The following OXR1 variants were observed in gnomAD, a reference collection of about 807,000 sequenced individuals.
OXR1 encodes the protein oxidation resistance 1, also known as oxidation resistance protein 1.
A neutral mutation model predicts 104.6 loss-of-function variants in OXR1; 41 were observed. That is an observed-to-expected ratio of 0.39 (90% confidence interval 0.31 to 0.51). The LOEUF (loss-of-function observed/expected upper bound fraction) is 0.51. OXR1 is among the 20% of genes least tolerant of loss of function. The pLI is 0.77. For missense variants in OXR1, 955 were observed against 1,031.9 expected, an observed-to-expected ratio of 0.93 and a Z score of 1.02; for synonymous variants, 348 against 348.4, an observed-to-expected ratio of 1.00 and a Z score of 0.01.
At chr8:106,344,944 C>T (rs184386728) in intron 1 of OXR1, among the ~76,000 whole-genome samples, 8 of 152,284 alleles carry the variant, frequency 5.3e-5, no homozygotes, top group Admixed American at 4.6e-4. Flanking sequence ...TGTCAAGTGT[C>T]GTCTTCTTAG....
chr8:106,276,768 A>G (rs921302316), intron 1 of OXR1, among the ~76,000 whole-genome samples: 2 of 151,806 alleles, frequency 1.3e-5, no homozygotes, highest in Non-Finnish European at 2.9e-5. Context: ...AAAAAAAAAA[A>G]AAAAGGTAAC....
chr8:106,292,517 T>A lies in OXR1; in HGVS notation c.-139+22150T>A, dbSNP rs550826194. Among the ~76,000 whole-genome samples the A allele has an allele frequency of 2.0e-5, 3 of 152,298 alleles. No homozygotes were observed. In the South Asian group the frequency reaches 6.2e-4, roughly 32 times the overall value. On this transcript the variant is annotated intron_variant, in intron 1 of 16. Transcript: ENST00000517566. The stretch of plus-strand genomic sequence containing the variant: ...ATGGAAACCATGAATAGAAAGATGT[T>A]CTGATTGATGGCAATTGGGTTTGGT...
intron 1 of OXR1, among the ~76,000 whole-genome samples, chr8:106,298,811 A>T (rs964109687): frequency 1.3e-5 from 2 of 152,196 alleles, no homozygotes; most frequent in Non-Finnish European, 2.9e-5. Flanking sequence ...AATTGTGTTT[A>T]TTGGCAGAAG....
intron 3 of OXR1, among the ~76,000 whole-genome samples, chr8:106,564,080 A>G (rs1816891366): frequency 6.6e-6 from 1 of 152,188 alleles, no homozygotes; most frequent in African/African-American, 2.4e-5. Flanking sequence ...TTAAAAAACT[A>G]GAGAAGCAAG....
intron 1 of OXR1, among the ~76,000 whole-genome samples, chr8:106,357,223 T>C (rs1816009756): frequency 6.6e-6 from 1 of 152,036 alleles, no homozygotes; most frequent in African/African-American, 2.4e-5. Context: ...TGTGTGTATA[T>C]ATATGCTTTT....
intron 9 of OXR1, chr8:106,707,524 A>G (rs953333241): frequency 2.0e-5 from 7 of 355,312 alleles, no homozygotes; most frequent in Non-Finnish European, 2.5e-5. Flanking sequence ...CATATATAAC[A>G]TTTTAATTGC....
At chr8:106,583,258 C>G (rs113189624) in intron 3 of OXR1, among the ~76,000 whole-genome samples, 76 of 152,246 alleles carry the variant, frequency 5.0e-4, no homozygotes, top group African/African-American at 1.8e-3. Context: ...CTCTCATTTA[C>G]AAGCCTATTA....
intron 1 of OXR1, among the ~76,000 whole-genome samples, chr8:106,311,564 G>C (rs1813701325): frequency 6.6e-6 from 1 of 152,118 alleles, no homozygotes; most frequent in Non-Finnish European, 1.5e-5. Context: ...CTAGACTATT[G>C]GTTTAACTTT....
chr8:106,330,039 C>G (rs926061055), intron 1 of OXR1, among the ~76,000 whole-genome samples: 1 of 152,174 alleles, frequency 6.6e-6, no homozygotes, highest in African/African-American at 2.4e-5. Flanking sequence ...CAAATTTGTC[C>G]TATGATTTAG....
chr8:106,459,827 GAC>G (rs1820807950), intron 2 of OXR1, among the ~76,000 whole-genome samples: 3 of 152,128 alleles, frequency 2.0e-5, no homozygotes, highest in Admixed American at 6.6e-5. Context: ...TTTCGTAAAA[GAC>G]ACTCCTTATA....
intron 2 of OXR1, among the ~76,000 whole-genome samples, chr8:106,380,110 C>A (rs1012989408): frequency 6.6e-6 from 1 of 152,042 alleles, no homozygotes; most frequent in East Asian, 1.9e-4. Context: ...CACTCTCACC[C>A]CATTCCCCTT....
chr8:106,593,326 A>G (rs765263600), intron 3 of OXR1, among the ~76,000 whole-genome samples: 8 of 152,200 alleles, frequency 5.3e-5, no homozygotes, highest in Non-Finnish European at 1.0e-4. Context: ...GCACCCATGA[A>G]GGGGAGAGTC....
At chr8:106,564,808 GATGCAAGGCTGGTTCAACAT>G (rs1816953252) in intron 3 of OXR1, among the ~76,000 whole-genome samples, 1 of 152,192 alleles carries the variant, frequency 6.6e-6, no homozygotes, top group Non-Finnish European at 1.5e-5. Flanking sequence ...TCATCCCTGG[GATGCAAGGCTGGTTCAACAT>G]AAGCAAATCA....
chr8:106,432,830 G>A (rs1819415505), intron 2 of OXR1, among the ~76,000 whole-genome samples: 1 of 152,060 alleles, frequency 6.6e-6, no homozygotes, highest in African/African-American at 2.4e-5. Flanking sequence ...ACATAAAGTA[G>A]GTGCCCCCAA....
intron 2 of OXR1, among the ~76,000 whole-genome samples, chr8:106,411,445 G>A (rs760998666): frequency 6.6e-5 from 10 of 152,196 alleles, no homozygotes; most frequent in Non-Finnish European, 8.8e-5. Flanking sequence ...GGACACAGAA[G>A]TGAGGAAGAC....
intron 3 of OXR1, chr8:106,657,825 A>C (rs1217681427): frequency 3.2e-6 from 4 of 1,234,588 alleles, no homozygotes; most frequent in Admixed American, 4.2e-5. Flanking sequence ...GTCCCCGGGC[A>C]GAGAGAGGGA....
intron 3 of OXR1, among the ~76,000 whole-genome samples, chr8:106,569,613 T>C (rs1239480058): frequency 6.6e-6 from 1 of 152,154 alleles, no homozygotes; most frequent in Non-Finnish European, 1.5e-5. Context: ...ACTAAATCGG[T>C]ATAAAGAGAG....
intron 2 of OXR1, among the ~76,000 whole-genome samples, chr8:106,422,765 A>G (rs1012323791): frequency 2.6e-5 from 4 of 152,194 alleles, no homozygotes; most frequent in Non-Finnish European, 4.4e-5. Flanking sequence ...CTTTAAAGGT[A>G]GACTGCCTAA....
At chr8:106,617,686 C>T (rs1465165450) in intron 3 of OXR1, among the ~76,000 whole-genome samples, 1 of 152,150 alleles carries the variant, frequency 6.6e-6, no homozygotes, top group South Asian at 2.1e-4. Context: ...TATAAAGGTA[C>T]AGAACACCAG....
Sources: gnomAD v4.1 joint callset for allele counts (sites outside exome capture counted in the v4.1 genomes callset) on GRCh38, gnomAD v4.1.1 for gene constraint, MANE v1.5 for transcripts, NCBI Gene and HGNC (gene_info 2026-07-23, HGNC 2026-07-21) for gene names.